The following FOXP1 variants were observed in gnomAD, a reference collection of about 807,000 sequenced individuals.
FOXP1 encodes the protein forkhead box P1.
FOXP1 carries 15 observed loss-of-function variants against 98.2 expected under a neutral mutation model. That is an observed-to-expected ratio of 0.15 (90% CI 0.10 to 0.24). The LOEUF (loss-of-function observed/expected upper bound fraction) is 0.24, where lower values mean the gene tolerates loss of function less well. FOXP1 is among the 10% of genes least tolerant of loss of function. The probability of loss-of-function intolerance (pLI) is 1.00; values close to 1 mark genes in which losing one functional copy is unlikely to be tolerated. For missense variants in FOXP1, 633 were observed against 848.5 expected, an observed-to-expected ratio of 0.75 and a Z score of 3.15; for synonymous variants, 371 against 314.5, an observed-to-expected ratio of 1.18 and a Z score of -1.90.
At chr3:71,017,029 G>A (rs886458339) in intron 11 of FOXP1, among the ~76,000 whole-genome samples, 59 of 151,550 alleles carry the variant, frequency 3.9e-4, no homozygotes, top group African/African-American at 1.3e-3. Context: ...AAAAGAAAAA[G>A]AAAAAAAGGT....
rs573840714 is a variant in FOXP1 at position 71,332,195 on chromosome 3, G to A, written c.-73+26955C>T. On this transcript the variant is annotated intron_variant, in intron 4 of 20. Coordinates refer to ENST00000649528, the MANE Select transcript of FOXP1 (RefSeq NM_001349338.3). ...GCCTTTATGAGCTGTAACACTCACC[G>A]CAGCTTCACTCCTGAAGCCAGCGAG... 396 of 153,020 alleles carry A rather than the reference G, an allele frequency of 2.6e-3. 3 individuals carry two copies. The highest frequency in any genetic ancestry group is 4.4e-3 in the Non-Finnish European group (302 of 68,692). The allele number at this position is 153,020 out of a possible 1,614,324, so 9.5% of individuals were successfully genotyped here. A position where few individuals can be genotyped will look rare whatever the true frequency, so the allele number is the denominator to read the frequency against.
intron 3 of FOXP1, among the ~76,000 whole-genome samples, chr3:71,397,088 A>ATATATATATACATATATATATATGTG (rs2081567069): frequency 0.014 from 89 of 6,480 alleles, 15 homozygotes; most frequent in East Asian, 0.089. Context: ...ATATATGTGT[A>ATATATATATACATATATATATATGTG]TATATATATA....
chr3:71,316,680 A>T (rs2075096316), intron 4 of FOXP1, among the ~76,000 whole-genome samples: 2 of 146,676 alleles, frequency 1.4e-5, no homozygotes, highest in Non-Finnish European at 3.0e-5. Flanking sequence ...TTTTTTTGAG[A>T]TGGAGTCTTG....
At chr3:71,510,711 G>C (rs1369178906) in intron 2 of FOXP1, among the ~76,000 whole-genome samples, 1 of 152,136 alleles carries the variant, frequency 6.6e-6, no homozygotes, top group Non-Finnish European at 1.5e-5. Context: ...CTGTCCAATC[G>C]AGTCAGCAGA....
chr3:70,977,529 A>G, intron 16 of FOXP1, 114 bp downstream of exon 16: 1 of 853,658 alleles, frequency 1.2e-6, no homozygotes, highest in South Asian at 1.4e-5. Flanking sequence ...AACCTTATAG[A>G]AAAGGTTTCA....
At chr3:70,964,316 C>G (rs960370271) in intron 20 of FOXP1, among the ~76,000 whole-genome samples, 8 of 152,082 alleles carry the variant, frequency 5.3e-5, no homozygotes, top group African/African-American at 1.9e-4. Flanking sequence ...ACAAATTAAC[C>G]CTGCAGTGAC....
intron 1 of FOXP1, chr3:71,582,188 G>A (rs984298426): frequency 1.0e-6 from 1 of 984,994 alleles, no homozygotes. Flanking sequence ...CCAGTCTCCC[G>A]GGACCAAGGC....
intron 3 of FOXP1, among the ~76,000 whole-genome samples, chr3:71,477,367 C>T (rs559024220): frequency 1.3e-5 from 2 of 152,218 alleles, no homozygotes; most frequent in Admixed American, 6.5e-5. Flanking sequence ...GTAAAACTCT[C>T]GTAATCAAAT....
chr3:71,057,732 T>TA (rs1372446994), intron 7 of FOXP1, among the ~76,000 whole-genome samples: 1 of 151,950 alleles, frequency 6.6e-6, no homozygotes, highest in Non-Finnish European at 1.5e-5. Context: ...AATCATGAAT[T>TA]AAAAAAACAC....
At chr3:71,571,940 T>C (rs1017274563) in intron 2 of FOXP1, 1 of 152,216 alleles carries the variant, frequency 6.6e-6, no homozygotes, top group Non-Finnish European at 1.5e-5. Flanking sequence ...AAAAACATGT[T>C]CCGATTTTCA....
rs185311511 is a variant in FOXP1, at chr3:71,501,266, A to G, written c.-297-7711T>C. On this transcript the variant is annotated intron_variant, in intron 2 of 20. Coordinates refer to ENST00000649528, the MANE Select transcript of FOXP1 (RefSeq NM_001349338.3). The stretch of plus-strand genomic sequence containing the variant: ...ACTACAGAGTGAGCATCACTAATCA[A>G]AAAAATCCAAACTCTGAAATGCTTT... 4.2e-3 allele frequency among the ~76,000 whole-genome samples: 633 copies of G among 151,156 alleles called. 3 individuals carry two copies. The highest frequency in any genetic ancestry group is 0.014 in the African/African-American group (579 of 41,230).
intron 4 of FOXP1, among the ~76,000 whole-genome samples, chr3:71,319,290 TG>T (rs2075262486): frequency 6.6e-6 from 1 of 152,130 alleles, no homozygotes; most frequent in Non-Finnish European, 1.5e-5. Flanking sequence ...TGTTGCTGTT[TG>T]GGGGTCTTCT....
chr3:71,445,275 T>C (rs2086310997), intron 3 of FOXP1, among the ~76,000 whole-genome samples: 1 of 152,152 alleles, frequency 6.6e-6, no homozygotes, highest in African/African-American at 2.4e-5. Flanking sequence ...AGGGCTGCTG[T>C]GAACAGCTGG....
At chr3:71,017,038 G>T (rs769930082) in intron 11 of FOXP1, among the ~76,000 whole-genome samples, 1 of 151,988 alleles carries the variant, frequency 6.6e-6, no homozygotes, top group African/African-American at 2.4e-5. Context: ...AGAAAAAAAG[G>T]TAGAAAAACA....
intron 6 of FOXP1, among the ~76,000 whole-genome samples, chr3:71,170,574 G>A (rs1009832853): frequency 5.3e-5 from 8 of 152,254 alleles, no homozygotes; most frequent in East Asian, 1.9e-4. Flanking sequence ...TGTGAAAGTC[G>A]CTCGGATCCA....
chr3:71,049,467 G>T (rs747658241), intron 9 of FOXP1, among the ~76,000 whole-genome samples: 8 of 151,904 alleles, frequency 5.3e-5, no homozygotes, highest in Non-Finnish European at 1.0e-4. Context: ...CTAAGAGCAC[G>T]TATCTTCTTA....
In FOXP1 at chr3:71,171,491, G is replaced by A. The variant is rs115786390; in HGVS notation, c.180+26711C>T. 9.5e-3 allele frequency among the ~76,000 whole-genome samples: 1,452 copies of A among 152,216 alleles called. 17 individuals carry two copies. The highest frequency in any genetic ancestry group is 0.033 in the African/African-American group (1,352 of 41,508). On this transcript the variant is annotated intron_variant, in intron 6 of 20. Transcript: ENST00000649528. ...TTGTTGTTAGTACCTTTGTATTCCC[G>A]CTCCCGGCTCTGTCATCCATGGCTT... is the stretch of plus-strand genomic sequence containing the variant.
intron 5 of FOXP1, among the ~76,000 whole-genome samples, chr3:71,211,337 C>A (rs1172965467): frequency 6.6e-6 from 1 of 152,148 alleles, no homozygotes; most frequent in Admixed American, 6.5e-5. Flanking sequence ...TCCCGAGTAG[C>A]TGGGATTACA....
rs114794577 is a variant in FOXP1, at chr3:71,361,899, C to T, written c.-167-2655G>A. 5.2e-3 allele frequency among the ~76,000 whole-genome samples: 785 copies of T among 152,156 alleles called. 5 individuals are homozygous for T. The highest frequency in any genetic ancestry group is 0.018 in the African/African-American group (737 of 41,502). ...GAACTCTAATATAACAAAGAAGCAC[C>T]GGAGAAAAATAAGGAACAGCTGACT... is the stretch of plus-strand genomic sequence containing the variant. On this transcript the variant is annotated intron_variant, in intron 3 of 20. Transcript: ENST00000649528.
Sources: allele counts gnomAD v4.1 joint callset (sites outside exome capture counted in the v4.1 genomes callset), GRCh38; gene constraint gnomAD v4.1.1; transcripts MANE v1.5; gene names NCBI Gene and HGNC (gene_info 2026-07-23, HGNC 2026-07-21).